TRAPPC9: variants seen among roughly 807,000 people sequenced by gnomAD.
TRAPPC9 encodes the protein trafficking protein particle complex subunit 9, also known as IKK2 binding protein.
TRAPPC9 carries 83 observed loss-of-function variants against 124.0 expected under a neutral mutation model. That is an observed-to-expected ratio of 0.67 (90% confidence interval 0.56 to 0.80). The LOEUF is 0.80. TRAPPC9 is among the 30% of genes least tolerant of loss of function. The pLI is 0.00. For synonymous variants in TRAPPC9, 638 were observed against 617.5 expected (o/e 1.03, Z -0.49); for missense variants, 1,302 against 1,508.3 (o/e 0.86, Z 2.27).
intron 9 of TRAPPC9, among the ~76,000 whole-genome samples, chr8:140,345,567 G>A (rs1325194568): frequency 2.6e-5 from 4 of 152,172 alleles, no homozygotes; most frequent in Non-Finnish European, 5.9e-5. Flanking sequence ...ATTGTGAGTG[G>A]GACAGATATG....
chr8:139,944,823 C>T lies in TRAPPC9; in HGVS notation c.2811-34523G>A, dbSNP rs374017905. 2.6e-5 allele frequency among the ~76,000 whole-genome samples: 4 copies of T among 152,028 alleles called. No homozygotes were observed. The East Asian group carries it at 7.7e-4, about 29-fold the overall frequency. ...TACTCTTAAAAGACAGAGATTGTTA[C>T]AATAGATTAAAAAAGCACGCCAGCC... On this transcript the variant is annotated intron_variant, in intron 19 of 22. Coordinates refer to ENST00000438773, the MANE Select transcript of TRAPPC9 (RefSeq NM_001160372.4).
intron 21 of TRAPPC9, among the ~76,000 whole-genome samples, chr8:139,878,181 A>G (rs1829451549): frequency 6.6e-6 from 1 of 152,250 alleles, no homozygotes; most frequent in Non-Finnish European, 1.5e-5. Flanking sequence ...GATAAAGTAT[A>G]GTTCAGCCCT....
chr8:140,094,317 C>T (rs1010284083), intron 17 of TRAPPC9, among the ~76,000 whole-genome samples: 7 of 152,198 alleles, frequency 4.6e-5, no homozygotes. Flanking sequence ...GCAGAAGAAA[C>T]TCATGCTTGG....
At chr8:139,937,926 C>T (rs1047273991) in intron 19 of TRAPPC9, among the ~76,000 whole-genome samples, 21 of 152,154 alleles carry the variant, frequency 1.4e-4, no homozygotes, top group Non-Finnish European at 2.6e-4. Flanking sequence ...AATGCATTAC[C>T]AGATGCACAG....
intron 17 of TRAPPC9, among the ~76,000 whole-genome samples, chr8:140,201,871 C>G (rs2062798571): frequency 6.6e-6 from 1 of 152,148 alleles, no homozygotes; most frequent in Non-Finnish European, 1.5e-5. Flanking sequence ...AGTGCCGTGT[C>G]AGGCGAGAGG....
chr8:139,968,300 T>C (rs1835842870), intron 19 of TRAPPC9, among the ~76,000 whole-genome samples: 1 of 152,208 alleles, frequency 6.6e-6, no homozygotes, highest in Non-Finnish European at 1.5e-5. Context: ...AGCTGCCTAT[T>C]ATCTGTGTGT....
At chr8:139,853,933 A>C (rs1049110783) in intron 21 of TRAPPC9, among the ~76,000 whole-genome samples, 2 of 152,254 alleles carry the variant, frequency 1.3e-5, no homozygotes, top group African/African-American at 4.8e-5. Context: ...TGTAGTTATC[A>C]CATACATGTG....
At chr8:140,119,412 G>A (rs901689969) in intron 17 of TRAPPC9, among the ~76,000 whole-genome samples, 7 of 152,236 alleles carry the variant, frequency 4.6e-5, no homozygotes, top group East Asian at 1.9e-4. Flanking sequence ...CCACCACGCC[G>A]CCAGCACCAC....
At chr8:140,045,028 G>A (rs1179059492) in intron 17 of TRAPPC9, among the ~76,000 whole-genome samples, 2 of 152,124 alleles carry the variant, frequency 1.3e-5, no homozygotes, top group Non-Finnish European at 2.9e-5. Flanking sequence ...GCAGAATGAA[G>A]GCATAGAACT....
At chr8:139,798,511 C>T (rs72683235) in intron 21 of TRAPPC9, among the ~76,000 whole-genome samples, 8,304 of 152,290 alleles carry the variant, frequency 0.055, 335 homozygotes, top group East Asian at 0.13. Context: ...ATGGCTGTGA[C>T]TGCTCCAGAG....
At chr8:140,437,475 T>C (rs1203397280) in intron 3 of TRAPPC9, among the ~76,000 whole-genome samples, 7 of 152,114 alleles carry the variant, frequency 4.6e-5, no homozygotes, top group Non-Finnish European at 8.8e-5. Context: ...ATAGAAAATT[T>C]AGCCGGGTGT....
intron 21 of TRAPPC9, among the ~76,000 whole-genome samples, chr8:139,737,785 G>C (rs1563774110): frequency 6.6e-6 from 1 of 152,180 alleles, no homozygotes; most frequent in South Asian, 2.1e-4. Context: ...GTCTTTAGGT[G>C]GGGTAGAAGG....
intron 21 of TRAPPC9, among the ~76,000 whole-genome samples, chr8:139,837,793 C>T (rs143142731): frequency 4.3e-4 from 65 of 150,228 alleles, no homozygotes; most frequent in African/African-American, 1.5e-3. Flanking sequence ...CTGTGCTCCC[C>T]GCTTCTCACT....
intron 21 of TRAPPC9, among the ~76,000 whole-genome samples, chr8:139,854,947 T>C (rs1024930635): frequency 1.3e-5 from 2 of 152,182 alleles, no homozygotes; most frequent in Non-Finnish European, 2.9e-5. Flanking sequence ...CGAGGGCTGA[T>C]GGGGTACCGA....
chr8:140,228,546 C>T (rs1382336895), intron 16 of TRAPPC9, among the ~76,000 whole-genome samples: 1 of 152,244 alleles, frequency 6.6e-6, no homozygotes, highest in African/African-American at 2.4e-5. Flanking sequence ...CAACAGTCCA[C>T]ATTCCCCATG....
rs182093157 is a variant in TRAPPC9, at chr8:140,332,927, C to A, written c.1496-21553G>T. Among the ~76,000 whole-genome samples the A allele has an allele frequency of 5.6e-4, 86 of 152,220 alleles. No homozygotes were observed. The East Asian group carries it at 6.8e-3, about 12-fold the overall frequency. On this transcript the variant is annotated intron_variant, in intron 9 of 22. Coordinates refer to ENST00000438773, the MANE Select transcript of TRAPPC9 (RefSeq NM_001160372.4). ...AGGTGGGAGGATCACGAGTTCAAGACCAGCCTGGTCAACATCGTGAAACCC... is the reference window on the plus strand; with the variant it reads ...AGGTGGGAGGATCACGAGTTCAAGAACAGCCTGGTCAACATCGTGAAACCC...
chr8:140,222,596 T>A (rs1418919260), intron 16 of TRAPPC9, among the ~76,000 whole-genome samples: 1 of 152,142 alleles, frequency 6.6e-6, no homozygotes, highest in Non-Finnish European at 1.5e-5. Flanking sequence ...CAAGAGGAAA[T>A]GTCAAAGTCT....
At chr8:140,181,707 G>C (rs747141128) in intron 17 of TRAPPC9, among the ~76,000 whole-genome samples, 2 of 151,882 alleles carry the variant, frequency 1.3e-5, no homozygotes, top group Non-Finnish European at 2.9e-5. Context: ...TATCAAACAG[G>C]GTTCTTTAAA....
intron 21 of TRAPPC9, among the ~76,000 whole-genome samples, chr8:139,864,948 T>C (rs1828426494): frequency 6.6e-6 from 1 of 152,194 alleles, no homozygotes; most frequent in Non-Finnish European, 1.5e-5. Context: ...GCAGGAACCA[T>C]GTCTGAACAT....
Sources: gnomAD v4.1 joint callset for allele counts (sites outside exome capture counted in the v4.1 genomes callset) on GRCh38, gnomAD v4.1.1 for gene constraint, MANE v1.5 for transcripts, NCBI Gene and HGNC (gene_info 2026-07-23, HGNC 2026-07-21) for gene names.